The following AUTS2 variants were observed in gnomAD, a reference collection of about 807,000 sequenced individuals.
AUTS2 encodes the protein activator of transcription and developmental regulator AUTS2.
A neutral mutation model predicts 112.4 loss-of-function variants in AUTS2; 17 were observed. The ratio of observed to expected loss-of-function variants is 0.15; its 90% CI spans 0.10 to 0.23. The LOEUF (loss-of-function observed/expected upper bound fraction) is 0.23. Ranked by LOEUF, AUTS2 falls within the 10% of genes least tolerant of loss-of-function variation. The probability of loss-of-function intolerance (pLI) is 1.00; values close to 1 mark genes in which losing one functional copy is unlikely to be tolerated. For missense variants in AUTS2, 1,510 were observed against 1,701.6 expected (o/e 0.89, Z 1.98); for synonymous variants, 751 against 702.7 (o/e 1.07, Z -1.09).
intron 4 of AUTS2, among the ~76,000 whole-genome samples, chr7:70,398,889 G>GT (rs1240807424): frequency 6.0e-5 from 9 of 150,344 alleles, no homozygotes; most frequent in Admixed American, 1.3e-4. Flanking sequence ...TCTAATCCTG[G>GT]TTTTCTGATT....
intron 2 of AUTS2, among the ~76,000 whole-genome samples, chr7:70,098,605 A>G (rs1050633235): frequency 2.9e-4 from 44 of 151,776 alleles, no homozygotes; most frequent in African/African-American, 7.8e-4. Context: ...GAAAGGGATG[A>G]TTTTTTACTT....
At chr7:69,827,409 G>T (rs1043903939) in intron 1 of AUTS2, among the ~76,000 whole-genome samples, 16 of 151,900 alleles carry the variant, frequency 1.1e-4, no homozygotes, top group African/African-American at 3.4e-4. Context: ...ATCCTGCGTA[G>T]ATGGATTGTA....
At chr7:69,627,719 C>A (rs1425963115) in intron 1 of AUTS2, among the ~76,000 whole-genome samples, 1 of 151,956 alleles carries the variant, frequency 6.6e-6, no homozygotes, top group Non-Finnish European at 1.5e-5. Context: ...GTCACGGTGT[C>A]CTGTGGATTG....
At chr7:70,150,350 T>C (rs1807363649) in intron 4 of AUTS2, among the ~76,000 whole-genome samples, 1 of 152,180 alleles carries the variant, frequency 6.6e-6, no homozygotes, top group South Asian at 2.1e-4. Context: ...TACTTTTGAA[T>C]TGTAGACCCT....
At chr7:70,741,708 G>A (rs1295634531) in intron 6 of AUTS2, among the ~76,000 whole-genome samples, 211 of 146,108 alleles carry the variant, frequency 1.4e-3, no homozygotes, top group Non-Finnish European at 2.4e-3. Context: ...AAAAAAGAAA[G>A]AAAAAAAAAA....
intron 5 of AUTS2, among the ~76,000 whole-genome samples, chr7:70,671,599 C>T (rs1807646102): frequency 1.3e-5 from 2 of 152,216 alleles, no homozygotes; most frequent in African/African-American, 4.8e-5. Flanking sequence ...CAAGGCTCTG[C>T]TTTGCAAGAG....
At chr7:70,320,311 G>A (rs1285097281) in intron 4 of AUTS2, among the ~76,000 whole-genome samples, 2 of 152,132 alleles carry the variant, frequency 1.3e-5, no homozygotes, top group African/African-American at 4.8e-5. Context: ...GTTGAGAAGG[G>A]ATACATGTCA....
intron 6 of AUTS2, among the ~76,000 whole-genome samples, chr7:70,726,454 A>G (rs1787039614): frequency 6.6e-6 from 1 of 152,228 alleles, no homozygotes; most frequent in Admixed American, 6.5e-5. Flanking sequence ...CGTATATGTG[A>G]TATAAATGTC....
chr7:70,393,024 T>C (rs1340738403), intron 4 of AUTS2, among the ~76,000 whole-genome samples: 3 of 152,220 alleles, frequency 2.0e-5, no homozygotes, highest in African/African-American at 7.2e-5. Flanking sequence ...GAGCCACCAG[T>C]TGCCACAGGC....
chr7:70,474,646 C>T (rs901175360), intron 5 of AUTS2, among the ~76,000 whole-genome samples: 1 of 152,158 alleles, frequency 6.6e-6, no homozygotes, highest in Non-Finnish European at 1.5e-5. Flanking sequence ...TTAGGGGAAG[C>T]GCAGTTCAGG....
chr7:70,720,997 C>T (rs1478363671), intron 6 of AUTS2, among the ~76,000 whole-genome samples: 9 of 152,000 alleles, frequency 5.9e-5, no homozygotes, highest in Admixed American at 4.6e-4. Flanking sequence ...GGCATCTCAT[C>T]GCATCTATAA....
At chr7:70,692,552 A>G (rs996678002) in intron 5 of AUTS2, among the ~76,000 whole-genome samples, 5 of 152,176 alleles carry the variant, frequency 3.3e-5, no homozygotes, top group African/African-American at 7.2e-5. Flanking sequence ...CTCCAAACCT[A>G]TACCTTCTGA....
chr7:70,695,838 G>T (rs1259560446), intron 5 of AUTS2, among the ~76,000 whole-genome samples: 1 of 152,080 alleles, frequency 6.6e-6, no homozygotes, highest in Non-Finnish European at 1.5e-5. Flanking sequence ...AGAGAGCTTT[G>T]GTTTTCTGTC....
intron 2 of AUTS2, among the ~76,000 whole-genome samples, chr7:70,068,863 A>T (rs1458669860): frequency 6.6e-6 from 1 of 152,212 alleles, no homozygotes. Context: ...GGGCATCTGC[A>T]CTTTTTATAT....
At chr7:70,280,346 C>T (rs193080302) in intron 4 of AUTS2, among the ~76,000 whole-genome samples, 2 of 148,384 alleles carry the variant, frequency 1.3e-5, no homozygotes, top group East Asian at 4.0e-4. Flanking sequence ...TGCAGTGGCA[C>T]GATGTCAGCT....
intron 5 of AUTS2, among the ~76,000 whole-genome samples, chr7:70,605,567 G>A: frequency 7.7e-5 from 1 of 13,046 alleles, no homozygotes; most frequent in Admixed American, 6.4e-4. Context: ...TTTTTTTTTT[G>A]GTCTTTTCTT....
chr7:70,506,442 A>C (rs190649948), intron 5 of AUTS2, among the ~76,000 whole-genome samples: 1 of 152,360 alleles, frequency 6.6e-6, no homozygotes, highest in Admixed American at 6.5e-5. Flanking sequence ...AGCTTTTATC[A>C]TCAATAATTC....
At chr7:70,114,243 T>C (rs941138529) in intron 2 of AUTS2, among the ~76,000 whole-genome samples, 2 of 152,224 alleles carry the variant, frequency 1.3e-5, no homozygotes, top group African/African-American at 4.8e-5. Flanking sequence ...CTGAAGTATG[T>C]AAAGGCTGAT....
intron 2 of AUTS2, among the ~76,000 whole-genome samples, chr7:69,946,316 A>G (rs1332923843): frequency 1.3e-5 from 2 of 152,154 alleles, no homozygotes; most frequent in African/African-American, 4.8e-5. Context: ...TGTTGATAGG[A>G]ATATAAATTG....
Sources: gnomAD v4.1 joint callset for allele counts (sites outside exome capture counted in the v4.1 genomes callset) on GRCh38, gnomAD v4.1.1 for gene constraint, MANE v1.5 for transcripts, NCBI Gene and HGNC (gene_info 2026-07-23, HGNC 2026-07-21) for gene names.